GSDMC: variants seen among roughly 807,000 people sequenced by gnomAD.
GSDMC encodes the protein gasdermin C, also known as gasdermin-C.
In GSDMC, 59 loss-of-function variants were observed where a neutral mutation model predicts 58.0. The observed-to-expected ratio is 1.02, with a 90% CI of 0.82 to 1.26. The LOEUF (loss-of-function observed/expected upper bound fraction) is 1.26, where lower values mean the gene tolerates loss of function less well. Among genes scored for constraint, GSDMC ranks in the 50% most tolerant of loss-of-function variants. The pLI is 0.00. For missense variants in GSDMC, 659 were observed against 598.5 expected (o/e 1.10, Z -1.06); for synonymous variants, 241 against 220.2 (o/e 1.09, Z -0.83).
intron 3 of GSDMC, among the ~76,000 whole-genome samples, chr8:129,769,606 G>A (rs2033985157): frequency 6.6e-6 from 1 of 152,076 alleles, no homozygotes; most frequent in East Asian, 1.9e-4. Context: ...CTTTTGTCAA[G>A]AGCCCACTCC....
the GSDMC span, among the ~76,000 whole-genome samples, chr8:129,715,930 T>G: frequency 6.6e-6 from 1 of 152,182 alleles, no homozygotes; most frequent in East Asian, 1.9e-4. Flanking sequence ...AAATAGATAA[T>G]GCCATTGTAA....
At chr8:129,785,230 G>T (rs958535105) in intron 1 of GSDMC, among the ~76,000 whole-genome samples, 5 of 151,992 alleles carry the variant, frequency 3.3e-5, no homozygotes, top group African/African-American at 9.7e-5. Flanking sequence ...ATGAGATCCT[G>T]TCATTCGCAA....
chr8:129,750,878 G>A (rs1180107696), intron 10 of GSDMC, among the ~76,000 whole-genome samples: 6 of 152,168 alleles, frequency 3.9e-5, no homozygotes, highest in Admixed American at 3.3e-4. Flanking sequence ...GGACATGTCA[G>A]GAATACTGTA....
At chr8:129,763,091 T>C (rs539988174) in intron 4 of GSDMC, among the ~76,000 whole-genome samples, 234 of 152,352 alleles carry the variant, frequency 1.5e-3, no homozygotes, top group African/African-American at 5.5e-3. Context: ...TGTTTATACT[T>C]GGGGAAAACT....
At chr8:129,734,882 G>A in the GSDMC span, among the ~76,000 whole-genome samples, 2 of 152,164 alleles carry the variant, frequency 1.3e-5, no homozygotes, top group African/African-American at 2.4e-5. Context: ...TGGATAAAGA[G>A]TCAAGACCCA....
intron 1 of GSDMC, among the ~76,000 whole-genome samples, chr8:129,782,575 G>A (rs1266156045): frequency 6.6e-6 from 1 of 152,122 alleles, no homozygotes; most frequent in Non-Finnish European, 1.5e-5. Flanking sequence ...CAGCTACTAT[G>A]AGCAACTATA....
downstream of GSDMC, among the ~76,000 whole-genome samples, chr8:129,745,508 C>T (rs2032940341): frequency 7.5e-6 from 1 of 134,158 alleles, no homozygotes; most frequent in Non-Finnish European, 1.5e-5. Context: ...AGGCATCTTC[C>T]CGAATTATAT....
chr8:129,768,541 A>G (rs1166932995), intron 3 of GSDMC, among the ~76,000 whole-genome samples: 1 of 152,228 alleles, frequency 6.6e-6, no homozygotes, highest in African/African-American at 2.4e-5. Context: ...AAAATCCTGC[A>G]GATAAAGAAT....
chr8:129,738,616 G>A, the GSDMC span, among the ~76,000 whole-genome samples: 9 of 152,116 alleles, frequency 5.9e-5, no homozygotes, highest in Non-Finnish European at 1.3e-4. Context: ...GAGAACACTT[G>A]GACACAGGGT....
intron 3 of GSDMC, among the ~76,000 whole-genome samples, chr8:129,772,485 A>G (rs979948111): frequency 5.9e-5 from 9 of 152,178 alleles, no homozygotes; most frequent in South Asian, 4.1e-4. Context: ...ATGAGAGCCT[A>G]TTATCTGTAA....
intron 6 of GSDMC, among the ~76,000 whole-genome samples, chr8:129,757,801 G>C (rs988182040): frequency 6.6e-6 from 1 of 152,020 alleles, no homozygotes; most frequent in Non-Finnish European, 1.5e-5. Context: ...GACCAGCCTG[G>C]GCAACATGGT....
the GSDMC span, among the ~76,000 whole-genome samples, chr8:129,709,507 C>T: frequency 7.2e-4 from 47 of 64,880 alleles, no homozygotes; most frequent in Middle Eastern, 6.3e-3. Flanking sequence ...GATAGATAGA[C>T]AGATGATAGA....
downstream of GSDMC, among the ~76,000 whole-genome samples, chr8:129,745,148 A>G (rs79305699): frequency 0.012 from 1,779 of 152,360 alleles, 37 homozygotes; most frequent in African/African-American, 0.041. Flanking sequence ...ACCTCAATGT[A>G]GCAAAATTCA....
chr8:129,724,035 G>A, the GSDMC span, among the ~76,000 whole-genome samples: 1 of 152,172 alleles, frequency 6.6e-6, no homozygotes, highest in Non-Finnish European at 1.5e-5. Context: ...TGGCCTCTGG[G>A]GAAAGCCAGG....
At chr8:129,760,267 G>A (rs577954055) in intron 6 of GSDMC, among the ~76,000 whole-genome samples, 57 of 152,200 alleles carry the variant, frequency 3.7e-4, no homozygotes, top group African/African-American at 1.3e-3. Context: ...ATTTTAAAAA[G>A]CTAGAAAGAA....
At chr8:129,709,246 T>C in the GSDMC span, among the ~76,000 whole-genome samples, 1 of 152,018 alleles carries the variant, frequency 6.6e-6, no homozygotes, top group Non-Finnish European at 1.5e-5. Context: ...TGAATGCTAC[T>C]GTGAAAAAGG....
chr8:129,729,152 T>G, the GSDMC span: 1 of 665,590 alleles, frequency 1.5e-6, no homozygotes, highest in South Asian at 1.4e-5. Flanking sequence ...GGAGGCAATG[T>G]TGTTTACTTC....
chr8:129,732,324 G>A, the GSDMC span, among the ~76,000 whole-genome samples: 1 of 150,758 alleles, frequency 6.6e-6, no homozygotes, highest in Admixed American at 6.6e-5. Flanking sequence ...GAAGTGCAGA[G>A]GGCTATAGAA....
intron 3 of GSDMC, 89 bp downstream of exon 3, chr8:129,776,013 A>C: frequency 9.5e-7 from 1 of 1,051,102 alleles, no homozygotes; most frequent in South Asian, 1.6e-5. Flanking sequence ...TCATCCCTAC[A>C]ACAAGACTTG....
Sources: gnomAD v4.1 joint callset for allele counts (sites outside exome capture counted in the v4.1 genomes callset) on GRCh38, gnomAD v4.1.1 for gene constraint, MANE v1.5 for transcripts, NCBI Gene and HGNC (gene_info 2026-07-23, HGNC 2026-07-21) for gene names.